Variants in COQ2 observed in about 807,000 individuals in gnomAD.
The protein encoded by COQ2 is coenzyme Q2, polyprenyltransferase.
A neutral mutation model predicts 35.7 loss-of-function variants in COQ2; 25 were observed. The observed-to-expected ratio is 0.70, with a 90% CI of 0.51 to 0.98. The LOEUF (loss-of-function observed/expected upper bound fraction) is 0.98, where lower values mean the gene tolerates loss of function less well. COQ2 is among the 50% of genes least tolerant of loss of function. The pLI, the probability that COQ2 is intolerant of heterozygous loss-of-function variation, is 0.00. For synonymous variants in COQ2, 206 were observed against 186.2 expected (o/e 1.11, Z -0.86); for missense variants, 488 against 473.5 (o/e 1.03, Z -0.28).
chr4:83,276,234 A>AT (rs1735179927), intron 2 of COQ2, among the ~76,000 whole-genome samples: 1 of 151,738 alleles, frequency 6.6e-6, no homozygotes, highest in Non-Finnish European at 1.5e-5. Context: ...TGCGTTGCCT[A>AT]CTTTTTAATG....
At chr4:83,266,218 C>A (rs1342845081) in intron 6 of COQ2, among the ~76,000 whole-genome samples, 1 of 152,156 alleles carries the variant, frequency 6.6e-6, no homozygotes, top group Admixed American at 6.5e-5. Context: ...GGAGGGGACA[C>A]AGCATATGGT....
chr4:83,275,067 G>A (rs562605668), intron 2 of COQ2, among the ~76,000 whole-genome samples: 1 of 152,244 alleles, frequency 6.6e-6, no homozygotes, highest in African/African-American at 2.4e-5. Flanking sequence ...TTTCAAGAAT[G>A]TTTGTAATTG....
intron 6 of COQ2, among the ~76,000 whole-genome samples, chr4:83,266,303 G>T (rs908240143): frequency 2.0e-5 from 3 of 151,944 alleles, no homozygotes; most frequent in African/African-American, 7.2e-5. Context: ...ATAGTAATTG[G>T]CAATAATCTG....
intron 2 of COQ2, 140 bp downstream of exon 2, chr4:83,278,808 C>A: frequency 1.0e-6 from 1 of 989,174 alleles, no homozygotes; most frequent in South Asian, 2.3e-5. Context: ...AGCTATTCAA[C>A]TGATCCTGGC....
At chr4:83,268,282 A>G (rs1289902633) in intron 5 of COQ2, among the ~76,000 whole-genome samples, 1 of 152,104 alleles carries the variant, frequency 6.6e-6, no homozygotes, top group Non-Finnish European at 1.5e-5. Context: ...TTCTAGCCCA[A>G]CCTATCCCTT....
At chr4:83,278,060 C>T (rs1056838105) in intron 2 of COQ2, among the ~76,000 whole-genome samples, 3 of 151,724 alleles carry the variant, frequency 2.0e-5, no homozygotes, top group Non-Finnish European at 2.9e-5. Flanking sequence ...TATTATAGGT[C>T]TGCCTTGCTT....
intron 1 of COQ2, chr4:83,284,255 A>G (rs1735396906): frequency 4.1e-6 from 4 of 985,248 alleles, no homozygotes; most frequent in Non-Finnish European, 4.8e-6. Context: ...CCTTTAGGAG[A>G]CTGTCCCGAC....
chr4:83,266,854 G>T (rs1365439447), intron 6 of COQ2: 2 of 245,176 alleles, frequency 8.2e-6, no homozygotes, highest in Non-Finnish European at 1.6e-5. Flanking sequence ...ATCTGTCCTT[G>T]GTCTTTATGC....
chr4:83,278,013 CACACACACACGT>C (rs1735226599), intron 2 of COQ2, among the ~76,000 whole-genome samples: 1 of 130,202 alleles, frequency 7.7e-6, no homozygotes, highest in African/African-American at 2.8e-5. Flanking sequence ...CACACACACA[CACACACACACGT>C]AACACTATTC....
chr4:83,264,963 T>C (rs1159215304), intron 6 of COQ2, among the ~76,000 whole-genome samples: 1 of 152,184 alleles, frequency 6.6e-6, no homozygotes, highest in African/African-American at 2.4e-5. Flanking sequence ...CCATCATCCA[T>C]ATAGTCACCC....
In COQ2 at chr4:83,264,223, A is replaced by C. The variant is rs761025392; in HGVS notation, c.1092T>G (p.Gly364=). ...ATTAATTTTCTATTTTATTCTCTAT[A>C]CCCTTCTTTGTTTTGTCTGTCTTCT... The part of the protein sequence containing the change: ...KEKKTDKTKK[G]IENKIEN The change falls in exon 7 of 7, where the codon GGT becomes GGG. Residue 364 remains glycine, a synonymous_variant. Coordinates refer to ENST00000647002, the MANE Select transcript of COQ2 (RefSeq NM_001358921.2). The C allele has an allele frequency of 6.6e-7, 1 of 1,514,548 alleles. No individual in the cohort carries two copies. The highest frequency in any genetic ancestry group is 9.1e-7 in the Non-Finnish European group (1 of 1,097,352). 93.8% of individuals were successfully genotyped at this position (1,514,548 alleles called of 1,614,324 possible). A position where few individuals can be genotyped will look rare whatever the true frequency, so the allele number is the denominator to read the frequency against.
Position 83,267,682 on chromosome 4 carries a change from T to G in COQ2, c.855A>C (p.Ala285=). Residue 285 remains alanine, a synonymous_variant, in exon 6 of 7, where the codon GCA becomes GCC. Transcript: ENST00000647002. ...CCACTAGGCTCAGTGCCCCCAGCATTGCAACACTGAAGCCGCTGAGCCACG... is the reference window on the plus strand; with the variant it reads ...CCACTAGGCTCAGTGCCCCCAGCATGGCAACACTGAAGCCGCTGAGCCACG... ...TKPWLSGFSV[A]MLGALSLVGV... 1 of 1,563,666 alleles carries G rather than the reference T, an allele frequency of 6.4e-7. No individual in the cohort carries two copies. Among genetic ancestry groups the G allele is most frequent in the Non-Finnish European group, 8.7e-7 (1 of 1,154,278 alleles).
At position 83,272,090 on chromosome 4, in the gene COQ2, A is replaced by G. The variant is rs367968754; in HGVS notation, c.625T>C (p.Leu209=). 6.5e-5 allele frequency: 104 copies of G among 1,596,850 alleles called. No homozygotes were observed. In the African/African-American group the frequency reaches 1.3e-3, roughly 20 times the overall value. ...KRISYWPQLA[L]GLTFNWGALL... ...CTTTTAGTTATTGTAAGCTCACCCAAGGCTAGTTGAGGCCAGTATGAAATT... is the reference window on the plus strand; with the variant it reads ...CTTTTAGTTATTGTAAGCTCACCCAGGGCTAGTTGAGGCCAGTATGAAATT... Residue 209 remains leucine (L), a synonymous_variant, in exon 4 of 7, where the codon TTG becomes CTG. Transcript: ENST00000647002.
chr4:83,266,032 G>C (rs1387919500), intron 6 of COQ2, among the ~76,000 whole-genome samples: 1 of 152,098 alleles, frequency 6.6e-6, no homozygotes. Flanking sequence ...TAATATTCAG[G>C]TGTTTAAATA....
At chr4:83,284,907 G>A (rs777585415), upstream of COQ2, 4 of 1,514,216 alleles carry the variant, frequency 2.6e-6, no homozygotes, top group Non-Finnish European at 3.5e-6. Flanking sequence ...TTGTGAAATT[G>A]GGGTCATCGT....
chr4:83,268,819 G>T (rs1201821416), intron 5 of COQ2, among the ~76,000 whole-genome samples: 1 of 152,130 alleles, frequency 6.6e-6, no homozygotes, highest in Non-Finnish European at 1.5e-5. Context: ...GAAGAAAACA[G>T]AATGAAATCC....
chr4:83,272,644 CA>C (rs773016907), intron 3 of COQ2, among the ~76,000 whole-genome samples: 2 of 152,172 alleles, frequency 1.3e-5, no homozygotes, highest in Non-Finnish European at 2.9e-5. Context: ...TATCAACCAC[CA>C]AATGTTAACT....
chr4:83,270,995 C>T (rs559773280), intron 4 of COQ2, among the ~76,000 whole-genome samples: 11 of 152,018 alleles, frequency 7.2e-5, no homozygotes, highest in African/African-American at 2.4e-4. Context: ...AATATTCTAC[C>T]ACAACTTTCC....
chr4:83,272,217 T>G, intron 3 of COQ2, 45 bp from the exon 4 acceptor site: 4 of 1,169,234 alleles, frequency 3.4e-6, no homozygotes, highest in South Asian at 1.4e-5. Flanking sequence ...CCACTACCTC[T>G]TAGAAACCAC....
Sources: gnomAD v4.1 joint callset for allele counts (sites outside exome capture counted in the v4.1 genomes callset) on GRCh38, gnomAD v4.1.1 for gene constraint, MANE v1.5 for transcripts, NCBI Gene and HGNC (gene_info 2026-07-23, HGNC 2026-07-21) for gene names.